RYR3: variants seen among roughly 807,000 people sequenced by gnomAD.
The protein encoded by RYR3 is ryanodine receptor 3.
RYR3 carries 207 observed loss-of-function variants against 584.3 expected under a neutral mutation model. The observed-to-expected ratio is 0.35, with a 90% CI of 0.32 to 0.40. RYR3 has a LOEUF of 0.40. Among genes scored for constraint, RYR3 ranks in the 10% least tolerant of loss-of-function variants. The probability of loss-of-function intolerance (pLI) is 1.00; values close to 1 mark genes in which losing one functional copy is unlikely to be tolerated. For synonymous variants in RYR3, 2,416 were observed against 2,248.5 expected (o/e 1.07, Z -2.11); for missense variants, 5,616 against 6,089.2 (o/e 0.92, Z 2.59).
rs754438842 is a variant in RYR3, at chr15:33,662,348, C to A, written c.4818C>A (p.Phe1606Leu). Residue 1606 changes from phenylalanine (F) to leucine (L), a missense_variant, in exon 35 of 104, where the codon TTC (phenylalanine) becomes TTA (leucine). Physicochemically the swap from Phe to Leu is conservative, Grantham distance 22. Coordinates refer to ENST00000634891, the MANE Select transcript of RYR3 (RefSeq NM_001036.6). ...KYLPGLLRSG[F>L]YDLLISIHLA... ...TCCCCGGCCTCCTTCGATCTGGTTT[C>A]TATGACCTGCTCATCAGCATCCACC... The A allele has an allele frequency of 1.2e-6, 2 of 1,612,670 alleles. No homozygotes were observed. Among genetic ancestry groups the A allele is most frequent in the South Asian group, 1.1e-5 (1 of 90,660 alleles).
At chr15:33,340,514 A>C (rs1971690462) in intron 1 of RYR3, among the ~76,000 whole-genome samples, 1 of 152,190 alleles carries the variant, frequency 6.6e-6, no homozygotes. Flanking sequence ...TATTTTTCAC[A>C]GTTCTGGAGA....
intron 1 of RYR3, among the ~76,000 whole-genome samples, chr15:33,344,569 G>A (rs1325481600): frequency 6.6e-6 from 1 of 151,806 alleles, no homozygotes; most frequent in Non-Finnish European, 1.5e-5. Flanking sequence ...TTTCCCAGGT[G>A]GAGTGTTTTT....
intron 32 of RYR3, among the ~76,000 whole-genome samples, chr15:33,655,165 A>G (rs76675686): frequency 2.9e-3 from 435 of 152,344 alleles, no homozygotes; most frequent in African/African-American, 0.01. Flanking sequence ...AGCTATTTCC[A>G]GAAAGATGCA....
intron 1 of RYR3, among the ~76,000 whole-genome samples, chr15:33,451,797 G>C (rs1033922684): frequency 6.6e-6 from 1 of 152,222 alleles, no homozygotes. Flanking sequence ...CTTCATGTAT[G>C]ATTGTTATTC....
chr15:33,566,984 ACC>A (rs1472192264), intron 12 of RYR3, among the ~76,000 whole-genome samples, 185 bp downstream of exon 12: 1 of 152,144 alleles, frequency 6.6e-6, no homozygotes, highest in Non-Finnish European at 1.5e-5. Context: ...TACTAGCTTC[ACC>A]CTTTGTTCAA....
intron 2 of RYR3, among the ~76,000 whole-genome samples, chr15:33,478,766 C>T (rs140659430): frequency 6.6e-6 from 1 of 152,226 alleles, no homozygotes. Context: ...CAAATCCCAA[C>T]TTCCACCTTT....
At chr15:33,812,802 G>T in intron 72 of RYR3, 61 bp from the exon 73 acceptor site, 5 of 1,550,766 alleles carry the variant, frequency 3.2e-6, no homozygotes, top group African/African-American at 1.4e-5. Flanking sequence ...GGACCAAAAG[G>T]CTTCTTCAGT....
chr15:33,451,003 A>C (rs1179410150), intron 1 of RYR3, among the ~76,000 whole-genome samples: 2 of 152,138 alleles, frequency 1.3e-5, no homozygotes, highest in East Asian at 3.9e-4. Flanking sequence ...CAGCACCTGA[A>C]ACAACCCAAT....
chr15:33,635,925 AC>A, intron 26 of RYR3, 106 bp downstream of exon 26: 1 of 895,918 alleles, frequency 1.1e-6, no homozygotes, highest in Non-Finnish European at 1.7e-6. Flanking sequence ...AAAGTGAGTG[AC>A]CACCACCACT....
chr15:33,648,954 T>A, intron 30 of RYR3, 118 bp from the exon 31 acceptor site: 1 of 957,638 alleles, frequency 1.0e-6, no homozygotes. Flanking sequence ...TGTGCACTTT[T>A]CCAGAAAAAA....
intron 62 of RYR3, among the ~76,000 whole-genome samples, chr15:33,769,456 C>G (rs2073388255): frequency 6.6e-6 from 1 of 152,186 alleles, no homozygotes; most frequent in African/African-American, 2.4e-5. Flanking sequence ...GCAAACCCCA[C>G]TGGTGGGTGG....
chr15:33,722,962 G>A (rs183497431), intron 44 of RYR3, 67 bp downstream of exon 44: 63 of 1,331,212 alleles, frequency 4.7e-5, no homozygotes, highest in Admixed American at 1.2e-4. Flanking sequence ...ATTGGTATAC[G>A]GATGATTTAG....
At chr15:33,739,783 G>C in intron 50 of RYR3, 49 bp from the exon 51 acceptor site, 1 of 1,531,972 alleles carries the variant, frequency 6.5e-7, no homozygotes, top group South Asian at 1.2e-5. Context: ...TCTGTCTAAA[G>C]GCATGGTTCT....
At chr15:33,448,395 G>C (rs555615937) in intron 1 of RYR3, among the ~76,000 whole-genome samples, 124 of 152,332 alleles carry the variant, frequency 8.1e-4, no homozygotes, top group African/African-American at 2.9e-3. Flanking sequence ...GACCCTGAAA[G>C]GGTGAAGGAG....
At chr15:33,805,618 C>G in intron 69 of RYR3, among the ~76,000 whole-genome samples, 1 of 151,974 alleles carries the variant, frequency 6.6e-6, no homozygotes. Flanking sequence ...GCTGGGACTA[C>G]AGGTGCCCGC....
chr15:33,840,558 T>C, intron 89 of RYR3: 1 of 498,646 alleles, frequency 2.0e-6, no homozygotes, highest in Non-Finnish European at 3.6e-6. Context: ...TTGAGGCTCT[T>C]ACAATGTCCT....
intron 67 of RYR3, among the ~76,000 whole-genome samples, chr15:33,793,356 C>T (rs1362481065): frequency 6.6e-6 from 1 of 152,120 alleles, no homozygotes; most frequent in Non-Finnish European, 1.5e-5. Flanking sequence ...TTAGACTGAA[C>T]TCAATCTTCA....
chr15:33,644,491 A>G lies in RYR3; in HGVS notation c.3737A>G (p.Asn1246Ser), dbSNP rs200171608. The G allele has an allele frequency of 8.8e-5, 142 of 1,613,746 alleles. No homozygotes were observed. The highest frequency in any genetic ancestry group is 2.5e-4 in the African/African-American group (19 of 74,942). ...AGCAAGCGCCTCCCGACGTTTGTCA[A>G]CGTGCCAAAGGATCATCCACACATA... ...WFSKRLPTFV[N>S]VPKDHPHIEV... is the part of the protein sequence containing the mutation. Residue 1246 changes from asparagine (N) to serine (S), a missense_variant, in exon 28 of 104, where the codon AAC becomes AGC. Around this residue, in one of 9 missense-constraint regions of RYR3, gnomAD observed 753 missense variants for 741.0 expected, o/e 1.02. Coordinates refer to ENST00000634891, the MANE Select transcript of RYR3 (RefSeq NM_001036.6).
chr15:33,489,532 G>A (rs774737053), intron 2 of RYR3, among the ~76,000 whole-genome samples: 8 of 152,280 alleles, frequency 5.3e-5, no homozygotes, highest in South Asian at 4.1e-4. Flanking sequence ...CACAAAAGAC[G>A]TAACATCGCT....
Sources: allele counts gnomAD v4.1 joint callset (sites outside exome capture counted in the v4.1 genomes callset), GRCh38; gene constraint gnomAD v4.1.1; regional missense constraint gnomAD v4.1.1; transcripts MANE v1.5; gene names NCBI Gene and HGNC (gene_info 2026-07-23, HGNC 2026-07-21).